Variants in CDH18 observed in about 807,000 individuals in gnomAD.
CDH18 encodes cadherin-18.
In CDH18, 31 loss-of-function variants were observed where a neutral mutation model predicts 67.9. The ratio of observed to expected loss-of-function variants is 0.46; its 90% CI spans 0.34 to 0.62. The LOEUF (loss-of-function observed/expected upper bound fraction) is 0.62, where lower values mean the gene tolerates loss of function less well. Among genes scored for constraint, CDH18 ranks in the 20% least tolerant of loss-of-function variants. The pLI is 0.01. For synonymous variants in CDH18, 362 were observed against 347.2 expected (o/e 1.04, Z -0.48); for missense variants, 890 against 975.5 (o/e 0.91, Z 1.17).
intron 2 of CDH18, among the ~76,000 whole-genome samples, chr5:20,151,502 C>T (rs1322071901): frequency 6.6e-6 from 1 of 152,024 alleles, no homozygotes; most frequent in Non-Finnish European, 1.5e-5. Context: ...TGGGTATATA[C>T]CCAATAATGG....
At chr5:20,202,512 T>C (rs1177971321) in intron 2 of CDH18, among the ~76,000 whole-genome samples, 2 of 152,106 alleles carry the variant, frequency 1.3e-5, no homozygotes, top group Admixed American at 1.3e-4. Flanking sequence ...TTTTTGATAT[T>C]GTACTGGTGT....
chr5:19,601,625 C>A, intron 6 of CDH18, among the ~76,000 whole-genome samples: 1 of 68,312 alleles, frequency 1.5e-5, no homozygotes, highest in African/African-American at 4.8e-5. Flanking sequence ...CTCCTGAAAC[C>A]AAAAATAGAC....
chr5:20,534,648 G>T (rs1004739766), intron 1 of CDH18, among the ~76,000 whole-genome samples: 10 of 151,932 alleles, frequency 6.6e-5, no homozygotes, highest in Non-Finnish European at 1.2e-4. Flanking sequence ...TATTAAATTT[G>T]GAACTATGTA....
At chr5:19,745,486 G>C (rs2150725603) in intron 4 of CDH18, among the ~76,000 whole-genome samples, 1 of 152,242 alleles carries the variant, frequency 6.6e-6, no homozygotes, top group South Asian at 2.1e-4. Context: ...TCACAGGTGG[G>C]AGCACCATAG....
chr5:19,841,910 T>C (rs1782360435), intron 2 of CDH18, among the ~76,000 whole-genome samples: 1 of 152,204 alleles, frequency 6.6e-6, no homozygotes, highest in Non-Finnish European at 1.5e-5. Context: ...AATAGATATA[T>C]ACTGTGCTAT....
chr5:20,498,204 A>G (rs1474621496), intron 1 of CDH18, among the ~76,000 whole-genome samples: 4 of 116,376 alleles, frequency 3.4e-5, no homozygotes, highest in East Asian at 5.5e-4. Flanking sequence ...CTTTATAGTC[A>G]TGTGACTTGA....
At chr5:19,936,185 T>A (rs551160825) in intron 2 of CDH18, among the ~76,000 whole-genome samples, 20 of 151,402 alleles carry the variant, frequency 1.3e-4, no homozygotes, top group Non-Finnish European at 1.9e-4. Flanking sequence ...TTAAAATGTG[T>A]TTTTCTGAGT....
At chr5:19,784,878 A>G (rs748011699) in intron 3 of CDH18, among the ~76,000 whole-genome samples, 3 of 151,972 alleles carry the variant, frequency 2.0e-5, no homozygotes, top group Non-Finnish European at 4.4e-5. Flanking sequence ...TCCACAACCC[A>G]CCTTATCTTA....
At position 19,653,553 on chromosome 5, in the gene CDH18, C is replaced by A. The variant is rs114533781; in HGVS notation, c.644-40952G>T. 9.7e-3 allele frequency among the ~76,000 whole-genome samples: 1,472 copies of A among 152,228 alleles called. 16 individuals are homozygous for A. The highest frequency in any genetic ancestry group is 0.014 in the Middle Eastern group (4 of 294). ...TAGACAATGTCCAGCCCATTGGTGG[C>A]ACCTTACTTAGAACTTCTTGATCAT... On this transcript the variant is annotated intron_variant, in intron 5 of 12. Transcript: ENST00000382275.
chr5:19,720,837 G>GA (rs1765997884), intron 5 of CDH18, among the ~76,000 whole-genome samples: 2 of 151,880 alleles, frequency 1.3e-5, no homozygotes, highest in African/African-American at 4.8e-5. Flanking sequence ...TTACTCATTA[G>GA]AAAAAATTGC....
intron 2 of CDH18, among the ~76,000 whole-genome samples, chr5:19,900,090 A>G (rs1379829029): frequency 6.6e-6 from 1 of 152,218 alleles, no homozygotes; most frequent in Non-Finnish European, 1.5e-5. Flanking sequence ...ATGTAGTCAT[A>G]CATTCTTATC....
At chr5:19,557,643 AAC>A (rs1426784994) in intron 8 of CDH18, among the ~76,000 whole-genome samples, 3 of 152,098 alleles carry the variant, frequency 2.0e-5, no homozygotes, top group African/African-American at 7.2e-5. Context: ...TTAAATATAA[AAC>A]AGTTACTACT....
chr5:20,185,415 A>G (rs1738017962), intron 2 of CDH18, among the ~76,000 whole-genome samples: 1 of 152,060 alleles, frequency 6.6e-6, no homozygotes, highest in Non-Finnish European at 1.5e-5. Flanking sequence ...ACTCTTGTTC[A>G]ATGCACTCCG....
chr5:19,501,291 G>A (rs1743195038), intron 11 of CDH18, among the ~76,000 whole-genome samples: 2 of 148,512 alleles, frequency 1.3e-5, no homozygotes. Context: ...AATCTTTTAT[G>A]AAGAACTTCT....
intron 1 of CDH18, chr5:20,304,947 C>T (rs1268953972): frequency 1.1e-5 from 17 of 1,613,810 alleles, no homozygotes; most frequent in Non-Finnish European, 1.4e-5. Flanking sequence ...CTATCCAATC[C>T]CGCACGGAGC....
intron 2 of CDH18, among the ~76,000 whole-genome samples, chr5:20,113,066 T>C (rs1231364553): frequency 6.6e-6 from 1 of 152,228 alleles, no homozygotes; most frequent in Non-Finnish European, 1.5e-5. Context: ...AGTTCTTTAG[T>C]TCTAATAATA....
In CDH18 at chr5:19,849,612, G is replaced by A. The variant is rs28590734; in HGVS notation, c.-256-10370C>T. On this transcript the variant is annotated intron_variant, in intron 2 of 12. Transcript: ENST00000382275. Reference sequence around the variant, plus strand: ...TATATATATAAACATATATATACACGCATATATATATAAACATATATATAC... The same window carrying A: ...TATATATATAAACATATATATACACACATATATATATAAACATATATATAC... Among the ~76,000 whole-genome samples the A allele has an allele frequency of 8.8e-3, 691 of 78,088 alleles. 27 individuals carry two copies. Among genetic ancestry groups the A allele is most frequent in the African/African-American group, 0.023 (632 of 27,090 alleles). 51.2% of individuals were successfully genotyped at this position (78,088 alleles called of 152,430 possible).
chr5:19,661,604 T>C (rs1757191792), intron 5 of CDH18, among the ~76,000 whole-genome samples: 1 of 152,006 alleles, frequency 6.6e-6, no homozygotes, highest in South Asian at 2.1e-4. Flanking sequence ...TGTGAAACTC[T>C]CATATTATAA....
chr5:19,653,975 G>A (rs1243879178), intron 5 of CDH18, among the ~76,000 whole-genome samples: 1 of 152,160 alleles, frequency 6.6e-6, no homozygotes, highest in Non-Finnish European at 1.5e-5. Flanking sequence ...AGAGGCTGGA[G>A]TGTGACTTGT....
Sources: allele counts gnomAD v4.1 joint callset (sites outside exome capture counted in the v4.1 genomes callset), GRCh38; gene constraint gnomAD v4.1.1; transcripts MANE v1.5; gene names NCBI Gene and HGNC (gene_info 2026-07-23, HGNC 2026-07-21).